The following RHOT1 variants were observed in gnomAD, a reference collection of about 807,000 sequenced individuals.
RHOT1 encodes the protein mitochondrial Rho GTPase 1.
In RHOT1, 27 loss-of-function variants were observed where a neutral mutation model predicts 95.3. That is an observed-to-expected ratio of 0.28 (90% CI 0.21 to 0.39). The LOEUF (loss-of-function observed/expected upper bound fraction) is 0.39, where lower values mean the gene tolerates loss of function less well. RHOT1 is among the 10% of genes least tolerant of loss of function. RHOT1 has a pLI of 1.00. For missense variants in RHOT1, 578 were observed against 786.7 expected (o/e 0.73, Z 3.17); for synonymous variants, 227 against 263.5 (o/e 0.86, Z 1.34).
chr17:32,177,268 T>C (rs544555702), intron 6 of RHOT1, among the ~76,000 whole-genome samples: 13 of 152,334 alleles, frequency 8.5e-5, no homozygotes, highest in African/African-American at 1.2e-4. Flanking sequence ...TCGGATACAC[T>C]TAGCCACGTT....
chr17:32,196,485 C>T (rs1163055481), intron 11 of RHOT1, among the ~76,000 whole-genome samples: 1 of 152,166 alleles, frequency 6.6e-6, no homozygotes, highest in African/African-American at 2.4e-5. Context: ...AGCCACCACA[C>T]CTGGTCTAAA....
At chr17:32,148,597 T>G (rs1046978685) in intron 1 of RHOT1, among the ~76,000 whole-genome samples, 1 of 152,244 alleles carries the variant, frequency 6.6e-6, no homozygotes, top group East Asian at 1.9e-4. Flanking sequence ...TTTGGAACAG[T>G]GTTTAGCTAT....
intron 8 of RHOT1, among the ~76,000 whole-genome samples, chr17:32,191,346 T>G (rs1298673782): frequency 6.6e-6 from 1 of 152,222 alleles, no homozygotes; most frequent in Non-Finnish European, 1.5e-5. Context: ...TTAATAAGTT[T>G]ATATTTCCTC....
chr17:32,188,994 T>C (rs1282770734), intron 8 of RHOT1, among the ~76,000 whole-genome samples: 2 of 152,178 alleles, frequency 1.3e-5, no homozygotes, highest in African/African-American at 4.8e-5. Context: ...TCACTAAGTG[T>C]TACTTGTTAA....
chr17:32,196,919 C>T lies in RHOT1; in HGVS notation c.870-2028C>T, dbSNP rs569891134. On this transcript the variant is annotated intron_variant, in intron 11 of 19. Coordinates refer to ENST00000545287, the MANE Select transcript of RHOT1 (RefSeq NM_001033566.3). ...TGGGTGAATCACGAGGTCAGGAGTT[C>T]GAGACCAGCCTGGCCAACATGGCGA... is the stretch of plus-strand genomic sequence containing the variant. Among the ~76,000 whole-genome samples the T allele has an allele frequency of 1.6e-3, 249 of 152,000 alleles. No homozygotes were observed. In the Middle Eastern group the frequency reaches 0.024, roughly 15 times the overall value.
chr17:32,165,336 CAAAAAAAAAA>C (rs773728913), intron 1 of RHOT1, among the ~76,000 whole-genome samples: 1 of 34,318 alleles, frequency 2.9e-5, no homozygotes, highest in Non-Finnish European at 5.3e-5. Context: ...GACTCCGTCT[CAAAAAAAAAA>C]AAAAAAAAAA....
At chr17:32,199,687 C>A in intron 13 of RHOT1, 137 bp downstream of exon 13, 1 of 597,810 alleles carries the variant, frequency 1.7e-6, no homozygotes, top group Non-Finnish European at 2.7e-6. Context: ...AGATTAGCTG[C>A]TGATATCTCT....
intron 2 of RHOT1, among the ~76,000 whole-genome samples, chr17:32,172,486 G>A (rs1441862995): frequency 6.6e-6 from 1 of 152,182 alleles, no homozygotes. Context: ...TAATCTAGAA[G>A]GGTTTTTAAT....
chr17:32,212,594 T>TGCAA (rs1055765540), intron 19 of RHOT1, among the ~76,000 whole-genome samples: 45 of 152,236 alleles, frequency 3.0e-4, no homozygotes, highest in Non-Finnish European at 5.9e-5. Context: ...AATGCCTTCC[T>TGCAA]GCAAGCCTTC....
At chr17:32,220,333 C>T (rs1311048418) in intron 19 of RHOT1, among the ~76,000 whole-genome samples, 2 of 152,112 alleles carry the variant, frequency 1.3e-5, no homozygotes, top group Middle Eastern at 3.2e-3. Context: ...CTGCACTATC[C>T]AGCCTGGGTG....
intron 10 of RHOT1, among the ~76,000 whole-genome samples, chr17:32,193,548 A>G (rs2036652031): frequency 6.6e-6 from 1 of 152,218 alleles, no homozygotes; most frequent in African/African-American, 2.4e-5. Flanking sequence ...CTACTCATAA[A>G]CAGCCTTTAA....
intron 1 of RHOT1, among the ~76,000 whole-genome samples, chr17:32,149,621 A>ATGTGTGTGTGTGTGTGTGTG (rs1469506893): frequency 1.2e-5 from 1 of 84,404 alleles, no homozygotes; most frequent in African/African-American, 5.9e-5. Flanking sequence ...ATATATATAT[A>ATGTGTGTGTGTGTGTGTGTG]TATATATATA....
intron 1 of RHOT1, among the ~76,000 whole-genome samples, chr17:32,163,760 G>A (rs181215842): frequency 6.6e-6 from 1 of 151,948 alleles, no homozygotes; most frequent in East Asian, 1.9e-4. Flanking sequence ...AAAAAACAAA[G>A]AATGTTAACT....
chr17:32,178,326 G>A (rs1296967970), intron 6 of RHOT1, among the ~76,000 whole-genome samples: 1 of 151,868 alleles, frequency 6.6e-6, no homozygotes, highest in Non-Finnish European at 1.5e-5. Flanking sequence ...CGAGTGCCTG[G>A]GATTCCAGGC....
intron 8 of RHOT1, among the ~76,000 whole-genome samples, chr17:32,186,779 G>A (rs1420782930): frequency 1.1e-4 from 16 of 152,060 alleles, no homozygotes; most frequent in African/African-American, 3.9e-4. Context: ...CTCCCACTCA[G>A]CCTCCTAAGT....
At position 32,198,934 on chromosome 17, in the gene RHOT1, A is replaced by G; in HGVS notation, c.870-13A>G. ...GATTAATGATTTATTTTACTCTTGA[A>G]TTTTTTCAACAGGCTGAAAATACCT... On this transcript the variant is annotated splice_polypyrimidine_tract_variant and intron_variant, in intron 11 of 19. Coordinates refer to ENST00000545287, the MANE Select transcript of RHOT1 (RefSeq NM_001033566.3). The G allele has an allele frequency of 1.3e-6, 2 of 1,559,916 alleles. No individual in the cohort carries two copies. Among genetic ancestry groups the G allele is most frequent in the Non-Finnish European group, 1.8e-6 (2 of 1,141,204 alleles).
intron 1 of RHOT1, among the ~76,000 whole-genome samples, chr17:32,169,902 G>A (rs1242797783): frequency 1.3e-5 from 2 of 151,880 alleles, no homozygotes; most frequent in African/African-American, 4.8e-5. Context: ...CCAGCTACTC[G>A]GGAGGCTGAG....
At chr17:32,151,882 A>C (rs754805964) in intron 1 of RHOT1, among the ~76,000 whole-genome samples, 65 of 118,938 alleles carry the variant, frequency 5.5e-4, no homozygotes, top group Middle Eastern at 7.5e-3. Flanking sequence ...ACTCCGTCTC[A>C]AAAAAAAAAA....
intron 13 of RHOT1, among the ~76,000 whole-genome samples, chr17:32,200,286 G>T (rs1278882657): frequency 6.6e-6 from 1 of 151,248 alleles, no homozygotes; most frequent in African/African-American, 2.4e-5. Flanking sequence ...TAAGGAGGTT[G>T]TTTTTTTTGG....
Sources: allele counts gnomAD v4.1 joint callset (sites outside exome capture counted in the v4.1 genomes callset), GRCh38; gene constraint gnomAD v4.1.1; transcripts MANE v1.5; gene names NCBI Gene and HGNC (gene_info 2026-07-23, HGNC 2026-07-21).